The following CALN1 variants were observed in gnomAD, a reference collection of about 807,000 sequenced individuals.
The protein encoded by CALN1 is calneuron 1.
A neutral mutation model predicts 30.6 loss-of-function variants in CALN1; 17 were observed. The ratio of observed to expected loss-of-function variants is 0.56; its 90% CI spans 0.38 to 0.83. The LOEUF is 0.83. Ranked by LOEUF, CALN1 falls within the 40% of genes least tolerant of loss-of-function variation. The probability of loss-of-function intolerance (pLI) is 0.00; values close to 1 mark genes in which losing one functional copy is unlikely to be tolerated. For synonymous variants in CALN1, 156 were observed against 131.4 expected, an observed-to-expected ratio of 1.19 and a Z score of -1.28; for missense variants, 291 against 354.9, an observed-to-expected ratio of 0.82 and a Z score of 1.45.
rs556902397 is a variant in CALN1, at chr7:72,153,488, G to A, written c.245-47194C>T. 7.9e-5 allele frequency among the ~76,000 whole-genome samples: 12 copies of A among 151,324 alleles called. No individual in the cohort carries two copies. The South Asian group carries it at 2.5e-3, about 32-fold the overall frequency. On this transcript the variant is annotated intron_variant, in intron 3 of 6. Coordinates refer to ENST00000395275, the MANE Select transcript of CALN1 (RefSeq NM_031468.4). ...GAGGCAAGGAGTTCAAGTCCAGCCT[G>A]GGTAATATAACGAGACCTTGTCTCT... is the stretch of plus-strand genomic sequence containing the variant.
intron 5 of CALN1, among the ~76,000 whole-genome samples, chr7:71,963,497 G>A (rs1280362677): frequency 2.0e-5 from 3 of 151,794 alleles, no homozygotes; most frequent in African/African-American, 7.3e-5. Context: ...TAGAGACAGG[G>A]TTTTGCCATG....
chr7:72,414,117 G>T (rs1807347037), upstream of CALN1, among the ~76,000 whole-genome samples: 1 of 152,114 alleles, frequency 6.6e-6, no homozygotes, highest in South Asian at 2.1e-4. Flanking sequence ...AGTGAGGTAT[G>T]AGACGGATTC....
intron 5 of CALN1, among the ~76,000 whole-genome samples, chr7:71,963,595 G>A (rs541133630): frequency 3.7e-4 from 56 of 152,214 alleles, no homozygotes; most frequent in East Asian, 7.7e-4. Context: ...ATGAGCCACC[G>A]TGCCCAGCCT....
chr7:72,219,006 C>T (rs368316931), intron 3 of CALN1, among the ~76,000 whole-genome samples: 12 of 152,142 alleles, frequency 7.9e-5, no homozygotes, highest in African/African-American at 2.9e-4. Context: ...GAGAAGCACA[C>T]CCCTGAAACA....
At chr7:71,908,720 C>T (rs1167458345) in intron 5 of CALN1, among the ~76,000 whole-genome samples, 1 of 152,174 alleles carries the variant, frequency 6.6e-6, no homozygotes, top group Non-Finnish European at 1.5e-5. Context: ...ACTGAAGTGT[C>T]CTCCTTATTG....
the CALN1 span, among the ~76,000 whole-genome samples, chr7:72,504,135 T>G: frequency 6.6e-6 from 1 of 152,160 alleles, no homozygotes; most frequent in Non-Finnish European, 1.5e-5. Context: ...CAGTGGAGGC[T>G]CAGGCTGAGA....
At chr7:71,797,776 T>C (rs1444411280) in intron 6 of CALN1, among the ~76,000 whole-genome samples, 1 of 152,166 alleles carries the variant, frequency 6.6e-6, no homozygotes, top group East Asian at 1.9e-4. Flanking sequence ...ATTCATCTTT[T>C]GTGGTTGGGA....
intron 4 of CALN1, among the ~76,000 whole-genome samples, chr7:72,066,885 T>C (rs1261659174): frequency 1.3e-5 from 2 of 151,952 alleles, no homozygotes; most frequent in Admixed American, 1.3e-4. Context: ...GGGCTCAAGA[T>C]ATTCTCTCGC....
At chr7:72,455,483 T>C in the CALN1 span, among the ~76,000 whole-genome samples, 1 of 151,962 alleles carries the variant, frequency 6.6e-6, no homozygotes, top group Non-Finnish European at 1.5e-5. Flanking sequence ...CCATAGCCTA[T>C]GACTCAGTGA....
At chr7:72,473,067 G>A in the CALN1 span, among the ~76,000 whole-genome samples, 1 of 151,802 alleles carries the variant, frequency 6.6e-6, no homozygotes, top group Non-Finnish European at 1.5e-5. Flanking sequence ...AAGTGCCTGT[G>A]CTTAGCTGGG....
chr7:71,838,319 A>G (rs1358462744), intron 5 of CALN1, among the ~76,000 whole-genome samples: 1 of 152,240 alleles, frequency 6.6e-6, no homozygotes, highest in Non-Finnish European at 1.5e-5. Flanking sequence ...TAATTAAAGC[A>G]GGAAAATCTT....
At chr7:72,471,426 G>A in the CALN1 span, among the ~76,000 whole-genome samples, 2 of 152,178 alleles carry the variant, frequency 1.3e-5, no homozygotes, top group Non-Finnish European at 2.9e-5. Context: ...GTGTCAATGG[G>A]TCCTCAGCCA....
intron 6 of CALN1, among the ~76,000 whole-genome samples, chr7:71,794,232 C>T (rs1786752322): frequency 1.3e-5 from 2 of 152,130 alleles, no homozygotes; most frequent in South Asian, 4.1e-4. Context: ...AACTTGTGTA[C>T]AAATTCTTTT....
At chr7:71,938,652 G>C (rs548699667) in intron 5 of CALN1, among the ~76,000 whole-genome samples, 5 of 152,078 alleles carry the variant, frequency 3.3e-5, no homozygotes, top group Admixed American at 3.3e-4. Context: ...AAAATTAGCT[G>C]GGCGTGGTGG....
chr7:72,143,230 A>C (rs1007153990), intron 3 of CALN1, among the ~76,000 whole-genome samples: 1 of 152,188 alleles, frequency 6.6e-6, no homozygotes, highest in Non-Finnish European at 1.5e-5. Context: ...ACCTTGAAAA[A>C]AGATGAGACG....
At chr7:72,201,460 G>A (rs1040675360) in intron 3 of CALN1, among the ~76,000 whole-genome samples, 4 of 151,966 alleles carry the variant, frequency 2.6e-5, no homozygotes, top group Admixed American at 6.6e-5. Flanking sequence ...GCATGGTGGT[G>A]CGCACCTATA....
chr7:72,182,864 T>C (rs1789918971), intron 3 of CALN1, among the ~76,000 whole-genome samples: 1 of 151,452 alleles, frequency 6.6e-6, no homozygotes, highest in African/African-American at 2.4e-5. Flanking sequence ...TGGACAACTG[T>C]GACAGGTTTT....
chr7:71,961,580 TAAAACA>T (rs1797249795), intron 5 of CALN1, among the ~76,000 whole-genome samples: 1 of 152,062 alleles, frequency 6.6e-6, no homozygotes. Flanking sequence ...CTCTCACTAT[TAAAACA>T]AACAAAAAGG....
chr7:72,360,255 G>A (rs1288436947), intron 2 of CALN1, among the ~76,000 whole-genome samples: 3 of 152,132 alleles, frequency 2.0e-5, no homozygotes, highest in African/African-American at 7.2e-5. Flanking sequence ...TTGTCTTTGT[G>A]AAATATCTGC....
Sources: allele counts gnomAD v4.1 joint callset (sites outside exome capture counted in the v4.1 genomes callset), GRCh38; gene constraint gnomAD v4.1.1; transcripts MANE v1.5; gene names NCBI Gene and HGNC (gene_info 2026-07-23, HGNC 2026-07-21).